The following L3MBTL3 variants were observed in gnomAD, a reference collection of about 807,000 sequenced individuals.
L3MBTL3 encodes L3MBTL histone methyl-lysine binding protein 3.
A neutral mutation model predicts 102.3 loss-of-function variants in L3MBTL3; 27 were observed. That is an observed-to-expected ratio of 0.26 (90% confidence interval 0.19 to 0.36). L3MBTL3 has a LOEUF of 0.36. L3MBTL3 is among the 10% of genes least tolerant of loss of function. The probability of loss-of-function intolerance (pLI) is 1.00; values close to 1 mark genes in which losing one functional copy is unlikely to be tolerated. For synonymous variants in L3MBTL3, 340 were observed against 320.9 expected, an observed-to-expected ratio of 1.06 and a Z score of -0.64; for missense variants, 798 against 955.3, an observed-to-expected ratio of 0.84 and a Z score of 2.17.
chr6:130,129,432 G>A (rs957980403), intron 20 of L3MBTL3, among the ~76,000 whole-genome samples: 18 of 152,086 alleles, frequency 1.2e-4, no homozygotes, highest in Admixed American at 1.0e-3. Context: ...CACTGTTGAG[G>A]ATGACAGCTT....
At chr6:130,081,010 A>G (rs1178801317) in intron 14 of L3MBTL3, among the ~76,000 whole-genome samples, 1 of 152,122 alleles carries the variant, frequency 6.6e-6, no homozygotes, top group Non-Finnish European at 1.5e-5. Flanking sequence ...TGCTTCCTTC[A>G]CCCCCTTGTA....
intron 6 of L3MBTL3, among the ~76,000 whole-genome samples, chr6:130,051,719 C>G (rs1781104682): frequency 6.6e-6 from 1 of 152,180 alleles, no homozygotes; most frequent in Non-Finnish European, 1.5e-5. Context: ...GCTATATACA[C>G]ATTTCGATGA....
At chr6:130,061,500 A>C (rs757884291) in intron 10 of L3MBTL3, among the ~76,000 whole-genome samples, 2 of 152,220 alleles carry the variant, frequency 1.3e-5, no homozygotes, top group Non-Finnish European at 2.9e-5. Flanking sequence ...GCTTGTAATA[A>C]TGTAATAAGT....
intron 15 of L3MBTL3, among the ~76,000 whole-genome samples, chr6:130,085,071 C>T (rs1783595919): frequency 6.6e-6 from 1 of 152,146 alleles, no homozygotes; most frequent in African/African-American, 2.4e-5. Context: ...CTCAAGCAAT[C>T]CACCCACCTC....
intron 22 of L3MBTL3, among the ~76,000 whole-genome samples, chr6:130,138,990 C>T (rs574037474): frequency 4.6e-5 from 7 of 152,220 alleles, no homozygotes; most frequent in Non-Finnish European, 8.8e-5. Context: ...CATAGTTACC[C>T]TACCTGCGTA....
intron 20 of L3MBTL3, among the ~76,000 whole-genome samples, chr6:130,127,892 A>G (rs1197891433): frequency 6.6e-6 from 1 of 152,208 alleles, no homozygotes; most frequent in African/African-American, 2.4e-5. Context: ...TTATAGAACA[A>G]TTAGCAAATA....
chr6:130,045,217 T>C (rs971765122), intron 3 of L3MBTL3, among the ~76,000 whole-genome samples: 1 of 152,146 alleles, frequency 6.6e-6, no homozygotes, highest in Non-Finnish European at 1.5e-5. Flanking sequence ...TGGCCTCTGC[T>C]TTCCTCTCTG....
At chr6:130,040,289 A>G (rs971548432) in intron 2 of L3MBTL3, among the ~76,000 whole-genome samples, 2 of 150,798 alleles carry the variant, frequency 1.3e-5, no homozygotes, top group Non-Finnish European at 1.5e-5. Flanking sequence ...AGATCATGCC[A>G]TTGTACTCTC....
At chr6:130,138,938 CT>C (rs1276893902) in intron 22 of L3MBTL3, among the ~76,000 whole-genome samples, 1 of 152,084 alleles carries the variant, frequency 6.6e-6, no homozygotes, top group Non-Finnish European at 1.5e-5. Flanking sequence ...GAAGCATAGA[CT>C]TTTGTCTTAG....
At chr6:130,043,535 G>T (rs1001246231) in intron 3 of L3MBTL3, among the ~76,000 whole-genome samples, 1 of 152,174 alleles carries the variant, frequency 6.6e-6, no homozygotes, top group African/African-American at 2.4e-5. Flanking sequence ...ATTTGCTTTT[G>T]CTCTGATCCT....
chr6:130,044,321 G>T (rs1780602447), intron 3 of L3MBTL3, among the ~76,000 whole-genome samples: 1 of 151,982 alleles, frequency 6.6e-6, no homozygotes, highest in African/African-American at 2.4e-5. Flanking sequence ...GACTTACTAT[G>T]TACAGTGCCA....
At chr6:130,053,461 C>G (rs1235548631) in intron 7 of L3MBTL3, among the ~76,000 whole-genome samples, 1 of 151,882 alleles carries the variant, frequency 6.6e-6, no homozygotes, top group Non-Finnish European at 1.5e-5. Flanking sequence ...CGGTGAAACC[C>G]CTTCCTTACT....
chr6:130,130,739 T>C (rs1786951330), intron 20 of L3MBTL3, among the ~76,000 whole-genome samples: 1 of 152,216 alleles, frequency 6.6e-6, no homozygotes, highest in African/African-American at 2.4e-5. Context: ...TGATGGCTTT[T>C]TAAAACATAT....
intron 19 of L3MBTL3, among the ~76,000 whole-genome samples, chr6:130,117,771 C>G (rs1243845047): frequency 2.0e-5 from 3 of 151,714 alleles, no homozygotes; most frequent in Admixed American, 2.0e-4. Flanking sequence ...GCAATCATGG[C>G]TCACCGCAGC....
intron 22 of L3MBTL3, among the ~76,000 whole-genome samples, chr6:130,136,566 C>T (rs1318598580): frequency 6.6e-6 from 1 of 152,136 alleles, no homozygotes; most frequent in Non-Finnish European, 1.5e-5. Context: ...ACATGCATCC[C>T]TGCTCCTGCT....
chr6:130,032,195 T>A (rs1345995235), intron 2 of L3MBTL3, among the ~76,000 whole-genome samples: 1 of 152,178 alleles, frequency 6.6e-6, no homozygotes, highest in Non-Finnish European at 1.5e-5. Flanking sequence ...CCTGATCATA[T>A]CTGCTTTTTA....
chr6:130,114,321 C>T (rs1239659135), intron 19 of L3MBTL3, among the ~76,000 whole-genome samples: 3 of 152,158 alleles, frequency 2.0e-5, no homozygotes, highest in Non-Finnish European at 4.4e-5. Flanking sequence ...AATATTGTAA[C>T]AGGATCTTAC....
chr6:130,089,080 ATTATAC>A (rs1430142711), intron 16 of L3MBTL3, among the ~76,000 whole-genome samples: 1 of 151,968 alleles, frequency 6.6e-6, no homozygotes, highest in East Asian at 1.9e-4. Flanking sequence ...TATTATTATT[ATTATAC>A]TTTAAGTTCT....
At chr6:130,116,483 G>C (rs576766399) in intron 19 of L3MBTL3, among the ~76,000 whole-genome samples, 1 of 152,264 alleles carries the variant, frequency 6.6e-6, no homozygotes, top group South Asian at 2.1e-4. Context: ...CATGCACCCA[G>C]CTGCAGTGTG....
Sources: gnomAD v4.1 joint callset for allele counts (sites outside exome capture counted in the v4.1 genomes callset) on GRCh38, gnomAD v4.1.1 for gene constraint, MANE v1.5 for transcripts, NCBI Gene and HGNC (gene_info 2026-07-23, HGNC 2026-07-21) for gene names.